MYOCD: variants seen among roughly 807,000 people sequenced by gnomAD.
MYOCD encodes myocardin.
In MYOCD, 32 loss-of-function variants were observed where a neutral mutation model predicts 96.1. The ratio of observed to expected loss-of-function variants is 0.33; its 90% CI spans 0.25 to 0.45. The LOEUF (loss-of-function observed/expected upper bound fraction) is 0.45, where lower values mean the gene tolerates loss of function less well. Ranked by LOEUF, MYOCD falls within the 20% of genes least tolerant of loss-of-function variation. The pLI is 1.00. For synonymous variants in MYOCD, 469 were observed against 469.0 expected (o/e 1.00, Z 0.00); for missense variants, 1,133 against 1,200.6 (o/e 0.94, Z 0.83).
chr17:12,713,454 ATCTAT>A (rs1271962050), intron 2 of MYOCD, among the ~76,000 whole-genome samples: 1 of 152,206 alleles, frequency 6.6e-6, no homozygotes, highest in Non-Finnish European at 1.5e-5. Context: ...ATATCCCAAG[ATCTAT>A]TCATGCTAAT....
At chr17:12,695,267 G>A (rs552756525) in intron 1 of MYOCD, among the ~76,000 whole-genome samples, 93 of 152,208 alleles carry the variant, frequency 6.1e-4, no homozygotes, top group African/African-American at 1.7e-3. Context: ...ATAGAAGTCC[G>A]CCTCTCACTG....
chr17:12,763,095 G>C lies in MYOCD; in HGVS notation c.2412G>C (p.Glu804Asp). The change falls in exon 14 of 14, where the codon GAG becomes GAC. Residue 804 changes from glutamate to aspartate, a missense_variant. Coordinates refer to ENST00000425538, the MANE Select transcript of MYOCD (RefSeq NM_001146312.3). ...ESGEMPADAR[E>D]DHSCLQKVPK... The stretch of plus-strand genomic sequence containing the variant: ...CAGAAATGCCAGCAGACGCTAGAGA[G>C]GATCACTCATGTCTTCAAAAAGTCC... The C allele has an allele frequency of 6.2e-7, 1 of 1,612,614 alleles. No homozygotes were observed. The highest frequency in any genetic ancestry group is 1.3e-5 in the African/African-American group (1 of 74,960).
intron 5 of MYOCD, among the ~76,000 whole-genome samples, chr17:12,725,247 T>G (rs1318826517): frequency 6.6e-6 from 1 of 151,718 alleles, no homozygotes; most frequent in Non-Finnish European, 1.5e-5. Context: ...ATTTTCTGCC[T>G]TGGTTCACTG....
chr17:12,733,048 C>T (rs182245564), intron 5 of MYOCD, among the ~76,000 whole-genome samples: 3 of 152,286 alleles, frequency 2.0e-5, no homozygotes, highest in East Asian at 3.9e-4. Context: ...CGGTGGCTCA[C>T]GCCTATAATC....
rs575906810 is a variant in MYOCD at position 12,728,302 on chromosome 17, G to A, written c.415+5294G>A. On this transcript the variant is annotated intron_variant, in intron 5 of 13. Transcript: ENST00000425538. ...ACATCCCTTAGCTCCCACGAAAGTC[G>A]TATATTGTCCAGATGTCTGACTCCT... Among the ~76,000 whole-genome samples the A allele has an allele frequency of 5.3e-5, 8 of 152,226 alleles. No homozygotes were observed. In the East Asian group the frequency reaches 1.4e-3, roughly 26 times the overall value.
At position 12,760,657 on chromosome 17, in the gene MYOCD, C is replaced by A. The variant is rs767759600; in HGVS notation, c.2339C>A (p.Thr780Asn). 1.9e-6 allele frequency: 3 copies of A among 1,613,750 alleles called. No homozygotes were observed. The South Asian group carries it at 3.3e-5, about 18-fold the overall frequency. ...SYEDAVKQQM[T>N]RSQQMDELLD... ...TTGGTTAATTTGTAATAGCAAATGACCCGGAGTCAGCAGATGGATGAACTC... is the reference window on the plus strand; with the variant it reads ...TTGGTTAATTTGTAATAGCAAATGAACCGGAGTCAGCAGATGGATGAACTC... Residue 780 changes from threonine (T) to asparagine (N), a missense_variant, in exon 13 of 14, where the codon ACC becomes AAC. Thr to Asn is a moderately conservative substitution (Grantham distance 65, BLOSUM62 0). Transcript: ENST00000425538.
In MYOCD at chr17:12,760,714, C is replaced by G. The variant is rs769422392; in HGVS notation, c.2389+7C>G. ...GTGCTTATTGAAAGCGGAGGTAAGA[C>G]TGCCTGTGTCCTGTCCATTAGGACA... On this transcript the variant is annotated splice_region_variant and intron_variant, in intron 13 of 13. Transcript: ENST00000425538. 6.2e-7 allele frequency: 1 copy of G among 1,611,984 alleles called. No individual in the cohort carries two copies. Among genetic ancestry groups the G allele is most frequent in the East Asian group, 2.2e-5 (1 of 44,858 alleles).
intron 1 of MYOCD, among the ~76,000 whole-genome samples, chr17:12,695,236 T>C (rs1470200549): frequency 6.6e-6 from 1 of 152,164 alleles, no homozygotes; most frequent in Non-Finnish European, 1.5e-5. Context: ...TGGTGTCTGA[T>C]GAGGGCCCCT....
chr17:12,759,148 A>G lies in MYOCD; in HGVS notation c.2331+935A>G, dbSNP rs370503506. 2.5e-4 allele frequency among the ~76,000 whole-genome samples: 38 copies of G among 152,338 alleles called. No homozygotes were observed. In the East Asian group the frequency reaches 5.0e-3, roughly 20 times the overall value. ...TTCGATAGCCCTTCATATGTGCTCA[A>G]CCCAGAGAAGAACATTTACATCAAT... On this transcript the variant is annotated intron_variant, in intron 12 of 13. Transcript: ENST00000425538.
chr17:12,748,175 A>C (rs995504375), intron 9 of MYOCD, among the ~76,000 whole-genome samples: 1 of 150,130 alleles, frequency 6.7e-6, no homozygotes, highest in Non-Finnish European at 1.5e-5. Context: ...AAAAAAAAAA[A>C]AAACAAAAAA....
At chr17:12,682,018 T>C (rs948365041) in intron 1 of MYOCD, among the ~76,000 whole-genome samples, 5 of 152,140 alleles carry the variant, frequency 3.3e-5, no homozygotes, top group African/African-American at 4.8e-5. Flanking sequence ...CACACAAAAA[T>C]CATCCCTGGC....
At chr17:12,730,786 T>G (rs750167914) in intron 5 of MYOCD, among the ~76,000 whole-genome samples, 1 of 152,204 alleles carries the variant, frequency 6.6e-6, no homozygotes, top group Non-Finnish European at 1.5e-5. Context: ...TCTATTGCAG[T>G]GGACCGGGCC....
At chr17:12,693,198 G>A (rs942461763) in intron 1 of MYOCD, among the ~76,000 whole-genome samples, 1 of 152,114 alleles carries the variant, frequency 6.6e-6, no homozygotes, top group African/African-American at 2.4e-5. Context: ...CTTTAGGAAG[G>A]TACATGCGTA....
At position 12,666,229 on chromosome 17, in the gene MYOCD, G is replaced by C. The variant is rs890255262; in HGVS notation, c.41G>C (p.Ser14Thr). The C allele has an allele frequency of 2.0e-5, 32 of 1,612,948 alleles. No individual in the cohort carries two copies. In the Admixed American group the frequency reaches 2.5e-4, roughly 13 times the overall value. The change falls in exon 1 of 14, where the codon AGC becomes ACC. Residue 14 changes from serine (S) to threonine (T), a missense_variant. By Grantham distance (58) the Ser-to-Thr change is moderately conservative. Coordinates refer to ENST00000425538, the MANE Select transcript of MYOCD (RefSeq NM_001146312.3). ...LGSEHSLLIRSKFRSVLQLRL... is the reference protein window; with the variant it reads ...LGSEHSLLIRTKFRSVLQLRL... Reference sequence around the variant, plus strand: ...TCTGAGCATTCCTTGCTGATTAGGAGCAAGTTCAGATCAGGTAGGGCTAAG... The same window carrying C: ...TCTGAGCATTCCTTGCTGATTAGGACCAAGTTCAGATCAGGTAGGGCTAAG...
At chr17:12,708,734 A>G (rs1049910136) in intron 2 of MYOCD, among the ~76,000 whole-genome samples, 11 of 152,096 alleles carry the variant, frequency 7.2e-5, no homozygotes, top group African/African-American at 1.2e-4. Flanking sequence ...CCTGCCACCA[A>G]TTAGTCTTGA....
In MYOCD at chr17:12,756,402, C is replaced by T. The variant is rs1293963885; in HGVS notation, c.2059-12C>T. ...CTGCTGGCCATGTAATTTGTCACTTCTTCCTTTGCAGAACTCAGGAGCACA... is the reference window on the plus strand; with the variant it reads ...CTGCTGGCCATGTAATTTGTCACTTTTTCCTTTGCAGAACTCAGGAGCACA... On this transcript the variant is annotated splice_polypyrimidine_tract_variant and intron_variant, in intron 10 of 13. Coordinates refer to ENST00000425538, the MANE Select transcript of MYOCD (RefSeq NM_001146312.3). The T allele has an allele frequency of 3.2e-6, 5 of 1,552,218 alleles. No homozygotes were observed. The highest frequency in any genetic ancestry group is 3.5e-6 in the Non-Finnish European group (4 of 1,147,112).
intron 1 of MYOCD, among the ~76,000 whole-genome samples, chr17:12,677,489 G>T (rs1312861959): frequency 6.6e-6 from 1 of 152,058 alleles, no homozygotes; most frequent in African/African-American, 2.4e-5. Context: ...AAGATGGGCG[G>T]ATCACGAGGT....
chr17:12,730,389 A>C (rs1379638377), intron 5 of MYOCD, among the ~76,000 whole-genome samples: 3 of 151,352 alleles, frequency 2.0e-5, no homozygotes, highest in East Asian at 3.9e-4. Context: ...TGGAAGTTGC[A>C]GTGAGCCAAG....
chr17:12,688,039 T>C (rs1027121388), intron 1 of MYOCD, among the ~76,000 whole-genome samples: 2 of 152,200 alleles, frequency 1.3e-5, no homozygotes, highest in South Asian at 2.1e-4. Flanking sequence ...GCCCATGTTG[T>C]ATACTGGATG....
Sources: allele counts gnomAD v4.1 joint callset (sites outside exome capture counted in the v4.1 genomes callset), GRCh38; gene constraint gnomAD v4.1.1; transcripts MANE v1.5; gene names NCBI Gene and HGNC (gene_info 2026-07-23, HGNC 2026-07-21).